The following ARHGAP10 variants were observed in gnomAD, a reference collection of about 807,000 sequenced individuals.
ARHGAP10 encodes the protein Rho GTPase activating protein 10.
Under a neutral mutation model 108.6 loss-of-function variants are expected in ARHGAP10, and 87 were observed. The observed-to-expected ratio is 0.80, with a 90% CI of 0.67 to 0.96. The LOEUF (loss-of-function observed/expected upper bound fraction) is 0.96, where lower values mean the gene tolerates loss of function less well. ARHGAP10 is among the 40% of genes least tolerant of loss of function. The pLI, the probability that ARHGAP10 is intolerant of heterozygous loss-of-function variation, is 0.00. For synonymous variants in ARHGAP10, 347 were observed against 341.1 expected (o/e 1.02, Z -0.19); for missense variants, 939 against 954.5 (o/e 0.98, Z 0.21).
At chr4:147,871,777 CA>C (rs2126856154) in intron 7 of ARHGAP10, among the ~76,000 whole-genome samples, 1 of 152,230 alleles carries the variant, frequency 6.6e-6, no homozygotes, top group Non-Finnish European at 1.5e-5. Flanking sequence ...GCAAAGTTTT[CA>C]ATTCATAATT....
intron 18 of ARHGAP10, among the ~76,000 whole-genome samples, chr4:147,987,828 G>A (rs1740101535): frequency 6.6e-6 from 1 of 152,228 alleles, no homozygotes. Context: ...TGGGAGAGAA[G>A]TGGAGACTTG....
At chr4:147,815,782 C>T (rs924524951) in intron 1 of ARHGAP10, among the ~76,000 whole-genome samples, 1 of 152,164 alleles carries the variant, frequency 6.6e-6, no homozygotes, top group African/African-American at 2.4e-5. Context: ...GGGAGTTTCT[C>T]ATGAGCCCAG....
intron 18 of ARHGAP10, among the ~76,000 whole-genome samples, chr4:148,016,803 G>GGAA (rs1278507685): frequency 2.0e-5 from 3 of 152,026 alleles, no homozygotes; most frequent in Non-Finnish European, 2.9e-5. Context: ...CTTCCACTTG[G>GGAA]GGTTCCCACA....
chr4:148,020,049 A>G (rs1052547102), intron 18 of ARHGAP10, among the ~76,000 whole-genome samples: 3 of 152,294 alleles, frequency 2.0e-5, no homozygotes, highest in Admixed American at 6.5e-5. Context: ...CTGAAATTCA[A>G]AATGCTCCAA....
intron 18 of ARHGAP10, among the ~76,000 whole-genome samples, chr4:148,000,303 C>T (rs542370434): frequency 6.6e-6 from 1 of 152,288 alleles, no homozygotes; most frequent in Admixed American, 6.5e-5. Context: ...ATATGTGCCA[C>T]ATTTTCTTAA....
chr4:148,071,653 A>G (rs1215142842), intron 22 of ARHGAP10, among the ~76,000 whole-genome samples: 1 of 152,048 alleles, frequency 6.6e-6, no homozygotes, highest in Admixed American at 6.5e-5. Flanking sequence ...AAAAACACAA[A>G]AAGCTTGAGT....
At chr4:147,803,083 A>G (rs1444245015) in intron 1 of ARHGAP10, among the ~76,000 whole-genome samples, 1 of 151,638 alleles carries the variant, frequency 6.6e-6, no homozygotes, top group East Asian at 1.9e-4. Context: ...ATCTTGGTAC[A>G]CTGCAACCTC....
intron 13 of ARHGAP10, among the ~76,000 whole-genome samples, chr4:147,932,765 T>C (rs1347073510): frequency 6.6e-6 from 1 of 152,224 alleles, no homozygotes; most frequent in Non-Finnish European, 1.5e-5. Flanking sequence ...CGTTTACTTA[T>C]GTAACCTGTA....
At chr4:147,987,943 T>C (rs1740104131) in intron 18 of ARHGAP10, among the ~76,000 whole-genome samples, 2 of 152,244 alleles carry the variant, frequency 1.3e-5, no homozygotes, top group Admixed American at 1.3e-4. Context: ...CTTTTACTTA[T>C]GCCACTTTGG....
rs1413346343 is a variant in ARHGAP10 at position 147,914,068 on chromosome 4, G to C, written c.1228+929G>C. Among the ~76,000 whole-genome samples the C allele has an allele frequency of 2.0e-5, 3 of 152,216 alleles. No homozygotes were observed. The East Asian group carries it at 5.8e-4, about 29-fold the overall frequency. The stretch of plus-strand genomic sequence containing the variant: ...TCGGGAGGCTGAGGCAGGAGAATCA[G>C]TTGAACCTGGGAGGCAGAGGTTGCA... On this transcript the variant is annotated intron_variant, in intron 13 of 22. Coordinates refer to ENST00000336498, the MANE Select transcript of ARHGAP10 (RefSeq NM_024605.4).
chr4:147,887,843 C>T (rs1375599433), intron 10 of ARHGAP10, among the ~76,000 whole-genome samples: 1 of 150,868 alleles, frequency 6.6e-6, no homozygotes, highest in Non-Finnish European at 1.5e-5. Context: ...GCCTGGGCGA[C>T]AGAGCGAGAC....
At chr4:148,027,810 A>G (rs1165918772) in intron 19 of ARHGAP10, among the ~76,000 whole-genome samples, 1 of 152,224 alleles carries the variant, frequency 6.6e-6, no homozygotes, top group East Asian at 1.9e-4. Context: ...GCAAGAGAAC[A>G]GAAAACTAGA....
At chr4:148,030,859 A>C (rs1428542382) in intron 19 of ARHGAP10, among the ~76,000 whole-genome samples, 1 of 145,522 alleles carries the variant, frequency 6.9e-6, no homozygotes, top group Non-Finnish European at 1.5e-5. Context: ...CCTTTAGATG[A>C]AAGAAAAAAA....
At chr4:147,907,177 T>C (rs1227997564) in intron 11 of ARHGAP10, among the ~76,000 whole-genome samples, 1 of 152,174 alleles carries the variant, frequency 6.6e-6, no homozygotes, top group East Asian at 1.9e-4. Flanking sequence ...TATGCAGTAT[T>C]ATGTAGCCTT....
chr4:148,051,337 A>T (rs1729124698), intron 20 of ARHGAP10, among the ~76,000 whole-genome samples: 1 of 152,154 alleles, frequency 6.6e-6, no homozygotes, highest in Non-Finnish European at 1.5e-5. Context: ...GAATGTTCCA[A>T]AGTCATTTTT....
intron 18 of ARHGAP10, among the ~76,000 whole-genome samples, chr4:148,000,958 T>C (rs980589363): frequency 3.3e-5 from 5 of 152,232 alleles, no homozygotes; most frequent in African/African-American, 4.8e-5. Flanking sequence ...ATTTTGGCTT[T>C]TGTTGCCATT....
At chr4:147,757,644 G>A (rs912325133) in intron 1 of ARHGAP10, among the ~76,000 whole-genome samples, 1 of 152,132 alleles carries the variant, frequency 6.6e-6, no homozygotes, top group Non-Finnish European at 1.5e-5. Context: ...TGCTTCCTCT[G>A]AACATTGGCT....
At chr4:147,799,696 T>C (rs1006700325) in intron 1 of ARHGAP10, among the ~76,000 whole-genome samples, 2 of 152,226 alleles carry the variant, frequency 1.3e-5, no homozygotes, top group Non-Finnish European at 2.9e-5. Flanking sequence ...GATTTTCTAG[T>C]TTCTCATTTG....
intron 19 of ARHGAP10, among the ~76,000 whole-genome samples, chr4:148,038,216 A>G (rs1230446203): frequency 6.6e-6 from 1 of 151,986 alleles, no homozygotes; most frequent in African/African-American, 2.4e-5. Context: ...ACTAGATACC[A>G]CTCTCCTTTT....
Sources: gnomAD v4.1 joint callset for allele counts (sites outside exome capture counted in the v4.1 genomes callset) on GRCh38, gnomAD v4.1.1 for gene constraint, MANE v1.5 for transcripts, NCBI Gene and HGNC (gene_info 2026-07-23, HGNC 2026-07-21) for gene names.